MGST2: variants seen among roughly 807,000 people sequenced by gnomAD.
MGST2 encodes glutathione peroxidase MGST2.
MGST2 carries 9 observed loss-of-function variants against 16.6 expected under a neutral mutation model. The ratio of observed to expected loss-of-function variants is 0.54; its 90% CI spans 0.33 to 0.95. The LOEUF (loss-of-function observed/expected upper bound fraction) is 0.95. Among genes scored for constraint, MGST2 ranks in the 40% least tolerant of loss-of-function variants. The pLI is 0.03. For synonymous variants in MGST2, 79 were observed against 68.0 expected, an observed-to-expected ratio of 1.16 and a Z score of -0.79; for missense variants, 159 against 175.1, an observed-to-expected ratio of 0.91 and a Z score of 0.52.
rs767366469 is a variant in MGST2, at chr4:139,702,867, T to TTTTTTTTTTTTTTTTTTTTTTTTTC, written c.230-585_230-584insTTTTTTTTTTTTTTTTTTTTTCTTT. Among the ~76,000 whole-genome samples the TTTTTTTTTTTTTTTTTTTTTTTTTC allele has an allele frequency of 3.0e-5, 4 of 132,386 alleles. 1 individual carries two copies. The highest frequency in any genetic ancestry group is 5.4e-5 in the African/African-American group (2 of 37,062). 86.9% of individuals were successfully genotyped at this position (132,386 alleles called of 152,430 possible). Reference sequence around the variant, plus strand: ...TGGTTTTTTTTTTTTTTTTTTTTTTTTTTACAATTTTAGCCATTCTGTTGG... The same window carrying TTTTTTTTTTTTTTTTTTTTTTTTTC: ...TGGTTTTTTTTTTTTTTTTTTTTTTTTTTTTTTTTTTTTTTTTTTTTTTTCTTTACAATTTTAGCCATTCTGTTGG... On this transcript the variant is annotated intron_variant, in intron 3 of 4. Transcript: ENST00000265498.
At chr4:139,691,142 T>C (rs1050914504) in intron 2 of MGST2, among the ~76,000 whole-genome samples, 1 of 152,206 alleles carries the variant, frequency 6.6e-6, no homozygotes, top group Non-Finnish European at 1.5e-5. Flanking sequence ...ACAGCCTGTT[T>C]TCCCATGGAC....
At chr4:139,720,080 T>C in intron 5 of MGST2, 1 of 1,614,098 alleles carries the variant, frequency 6.2e-7, no homozygotes. Flanking sequence ...CATGCCACTT[T>C]GGTTTGGATG....
downstream of MGST2, among the ~76,000 whole-genome samples, chr4:139,704,693 C>T (rs1877237): frequency 0.1 from 15,377 of 152,152 alleles, 1,040 homozygotes; most frequent in Non-Finnish European, 0.15. Context: ...GAAGCCGAGG[C>T]GGGCAGATCA....
downstream of MGST2, among the ~76,000 whole-genome samples, chr4:139,741,865 A>T (rs1025745641): frequency 1.3e-5 from 2 of 152,222 alleles, no homozygotes; most frequent in Admixed American, 1.3e-4. Context: ...TGTATTTTTT[A>T]AAATAAAAAC....
At chr4:139,730,124 C>G (rs1418445377) in intron 5 of MGST2, among the ~76,000 whole-genome samples, 1 of 152,164 alleles carries the variant, frequency 6.6e-6, no homozygotes, top group Non-Finnish European at 1.5e-5. Context: ...GACCCCTGTA[C>G]CAGAAATCAG....
rs912471921 is a variant in MGST2, at chr4:139,698,587, C to T, written c.229+3320C>T. ...AGACCTCCTTACTTACCCCCCTTCT[C>T]CTTCGGCTGGAGCTCGGCGAGCGAG... On this transcript the variant is annotated intron_variant, in intron 3 of 4. Transcript: ENST00000265498. The T allele has an allele frequency of 8.8e-6, 7 of 796,486 alleles. No individual in the cohort carries two copies. In the African/African-American group the frequency reaches 1.0e-4, roughly 12 times the overall value. 49.3% of individuals were successfully genotyped at this position (796,486 alleles called of 1,614,324 possible). A position where few individuals can be genotyped will look rare whatever the true frequency, so the allele number is the denominator to read the frequency against.
chr4:139,702,860 T>G (rs1482095486), intron 3 of MGST2, among the ~76,000 whole-genome samples: 2 of 142,060 alleles, frequency 1.4e-5, no homozygotes, highest in Non-Finnish European at 3.1e-5. Flanking sequence ...TTTTTTTTTT[T>G]TTTTTTTTTT....
the MGST2 span, among the ~76,000 whole-genome samples, chr4:139,748,541 T>C: frequency 1.3e-5 from 2 of 152,150 alleles, no homozygotes; most frequent in Non-Finnish European, 2.9e-5. Context: ...AGCAGGAGGC[T>C]GCTGGGGAAA....
chr4:139,703,367 G>A (rs1051422925), intron 3 of MGST2, 88 bp from the exon 4 acceptor site: 15 of 1,075,190 alleles, frequency 1.4e-5, no homozygotes, highest in African/African-American at 7.8e-5. Flanking sequence ...TATATGTTTT[G>A]TGAATATTTT....
At chr4:139,679,441 T>C (rs1226988561) in intron 2 of MGST2, among the ~76,000 whole-genome samples, 1 of 152,262 alleles carries the variant, frequency 6.6e-6, no homozygotes, top group African/African-American at 2.4e-5. Context: ...CATCCTGTTC[T>C]ACTTTCTCAG....
chr4:139,717,045 A>ATAT (rs1553949896), intron 5 of MGST2: 1 of 152,456 alleles, frequency 6.6e-6, no homozygotes, highest in Non-Finnish European at 1.5e-5. Context: ...CAGTATATAT[A>ATAT]TATTTATATG....
intron 3 of MGST2, among the ~76,000 whole-genome samples, chr4:139,697,725 G>A (rs1727006854): frequency 6.6e-6 from 1 of 152,148 alleles, no homozygotes; most frequent in Admixed American, 6.5e-5. Flanking sequence ...AGTTAGAAAA[G>A]TATAGTGAAT....
intron 2 of MGST2, among the ~76,000 whole-genome samples, chr4:139,688,093 C>G (rs1395846468): frequency 2.0e-5 from 3 of 152,184 alleles, no homozygotes; most frequent in Non-Finnish European, 4.4e-5. Context: ...TACATTTCCT[C>G]TGATTCTACC....
At chr4:139,733,480 G>A (rs1015352592) in intron 5 of MGST2, among the ~76,000 whole-genome samples, 3 of 151,732 alleles carry the variant, frequency 2.0e-5, no homozygotes, top group Admixed American at 6.6e-5. Flanking sequence ...GAGGCAAATG[G>A]GGTGACGACG....
Position 139,696,721 on chromosome 4 carries a change from G to T in MGST2, c.229+1454G>T, listed in dbSNP as rs8192104. ...GCCTGTACACAGTGTTCTTCAGCAA[G>T]AATTTATTGTTTCAGGTTTGACGGC... On this transcript the variant is annotated intron_variant, in intron 3 of 4. Transcript: ENST00000265498. Among the ~76,000 whole-genome samples the T allele has an allele frequency of 3.0e-3, 458 of 152,290 alleles. 3 individuals are homozygous for T. The highest frequency in any genetic ancestry group is 0.011 in the African/African-American group (438 of 41,554).
At chr4:139,703,390 A>T in intron 3 of MGST2, 65 bp from the exon 4 acceptor site, 2 of 1,327,324 alleles carry the variant, frequency 1.5e-6, no homozygotes, top group Non-Finnish European at 2.2e-6. Flanking sequence ...CAGTCGTCGT[A>T]CAACATCTTA....
chr4:139,730,196 G>A (rs533638426), intron 5 of MGST2: 8 of 588,438 alleles, frequency 1.4e-5, no homozygotes, highest in Non-Finnish European at 2.4e-5. Flanking sequence ...TCAAATTGAT[G>A]GCTGGAGCCT....
intron 2 of MGST2, among the ~76,000 whole-genome samples, chr4:139,689,230 C>A (rs1726430816): frequency 6.6e-6 from 1 of 151,710 alleles, no homozygotes; most frequent in African/African-American, 2.4e-5. Flanking sequence ...CCGGGAGATT[C>A]TCCAGGTGGT....
At chr4:139,730,111 A>G (rs1256311218) in intron 5 of MGST2, among the ~76,000 whole-genome samples, 2 of 152,228 alleles carry the variant, frequency 1.3e-5, no homozygotes, top group African/African-American at 4.8e-5. Flanking sequence ...TGCTGATTAC[A>G]CAGACCCCTG....
Sources: gnomAD v4.1 joint callset for allele counts (sites outside exome capture counted in the v4.1 genomes callset) on GRCh38, gnomAD v4.1.1 for gene constraint, MANE v1.5 for transcripts, NCBI Gene and HGNC (gene_info 2026-07-23, HGNC 2026-07-21) for gene names.